MTA3: variants seen among roughly 807,000 people sequenced by gnomAD.
The protein encoded by MTA3 is metastasis associated 1 family member 3.
Under a neutral mutation model 83.5 loss-of-function variants are expected in MTA3, and 34 were observed. The ratio of observed to expected loss-of-function variants is 0.41; its 90% CI spans 0.31 to 0.54. MTA3 has a LOEUF of 0.54. Among genes scored for constraint, MTA3 ranks in the 20% least tolerant of loss-of-function variants. The probability of loss-of-function intolerance (pLI) is 0.33; values close to 1 mark genes in which losing one functional copy is unlikely to be tolerated. For synonymous variants in MTA3, 303 were observed against 252.7 expected (o/e 1.20, Z -1.89); for missense variants, 761 against 726.4 (o/e 1.05, Z -0.55).
intron 4 of MTA3, among the ~76,000 whole-genome samples, chr2:42,617,222 G>T (rs1685009701): frequency 6.6e-6 from 1 of 152,142 alleles, no homozygotes; most frequent in African/African-American, 2.4e-5. Context: ...CAGAGTATTA[G>T]TATAACCAGA....
intron 2 of MTA3, among the ~76,000 whole-genome samples, chr2:42,547,913 GTCTA>G (rs1415385586): frequency 6.7e-6 from 1 of 149,450 alleles, no homozygotes; most frequent in African/African-American, 2.5e-5. Flanking sequence ...TTTCAATCTT[GTCTA>G]TCTATTAAGC....
intron 2 of MTA3, among the ~76,000 whole-genome samples, chr2:42,509,841 G>A (rs527929508): frequency 6.6e-6 from 1 of 152,240 alleles, no homozygotes; most frequent in East Asian, 1.9e-4. Flanking sequence ...TTTAAATGCT[G>A]TTCTCTGAGT....
chr2:42,570,231 G>T (rs1206253339), intron 1 of MTA3, among the ~76,000 whole-genome samples: 2 of 152,108 alleles, frequency 1.3e-5, no homozygotes, highest in African/African-American at 4.8e-5. Context: ...AACATTAATT[G>T]AAATGAAAAT....
chr2:42,563,916 CA>C (rs1677787941), upstream of MTA3, among the ~76,000 whole-genome samples: 1 of 151,926 alleles, frequency 6.6e-6, no homozygotes, highest in African/African-American at 2.4e-5. Flanking sequence ...CTCCGCCTCC[CA>C]GGTTTAAGCC....
intron 3 of MTA3, among the ~76,000 whole-genome samples, chr2:42,593,152 C>CAA (rs879664699): frequency 7.8e-6 from 1 of 129,008 alleles, no homozygotes; most frequent in African/African-American, 3.0e-5. Context: ...GGCTCTGTCT[C>CAA]AAAAAAAAAA....
intron 2 of MTA3, among the ~76,000 whole-genome samples, chr2:42,555,956 C>T (rs1476442651): frequency 2.0e-5 from 3 of 151,806 alleles, no homozygotes; most frequent in Non-Finnish European, 4.4e-5. Flanking sequence ...CCTGTAATCC[C>T]AGCTACTCAG....
intron 2 of MTA3, among the ~76,000 whole-genome samples, chr2:42,561,617 C>T (rs1246439194): frequency 1.3e-5 from 2 of 152,172 alleles, no homozygotes; most frequent in South Asian, 4.2e-4. Context: ...GCCACCGAGC[C>T]CGGCCCCAGG....
intron 4 of MTA3, among the ~76,000 whole-genome samples, chr2:42,616,184 C>T (rs1296117579): frequency 2.0e-5 from 3 of 152,136 alleles, no homozygotes; most frequent in South Asian, 2.1e-4. Flanking sequence ...CTCAGCCTCC[C>T]GAATAGCTGG....
At chr2:42,693,953 T>C (rs997867943) in intron 9 of MTA3, among the ~76,000 whole-genome samples, 2 of 152,192 alleles carry the variant, frequency 1.3e-5, no homozygotes, top group Non-Finnish European at 2.9e-5. Context: ...TCGGGGCCCA[T>C]GGGCTCTTTA....
rs1404315247 is a variant in MTA3, at chr2:42,684,668, G to A, written c.891+2079G>A. The stretch of plus-strand genomic sequence containing the variant: ...TGAGGCTCAATGAAAATTCAAAAAA[G>A]ATAAATAAAACCTGCAGATCTGATA... On this transcript the variant is annotated intron_variant, in intron 9 of 16. Coordinates refer to ENST00000405094, the MANE Select transcript of MTA3 (RefSeq NM_001330442.2). 2.0e-5 allele frequency among the ~76,000 whole-genome samples: 3 copies of A among 152,084 alleles called. No homozygotes were observed. In the East Asian group the frequency reaches 5.8e-4, roughly 29 times the overall value.
At chr2:42,566,951 T>C (rs2103812560), upstream of MTA3, among the ~76,000 whole-genome samples, 1 of 152,358 alleles carries the variant, frequency 6.6e-6, no homozygotes, top group African/African-American at 2.4e-5. Flanking sequence ...TATTTATGTG[T>C]CAGCTCAGAA....
chr2:42,737,123 A>G (rs540810498), intron 16 of MTA3, among the ~76,000 whole-genome samples: 4 of 152,014 alleles, frequency 2.6e-5, no homozygotes, highest in Non-Finnish European at 5.9e-5. Context: ...TTCCCTTAGC[A>G]GCCCTGGCTG....
chr2:42,623,291 A>G (rs1050482713), intron 4 of MTA3, among the ~76,000 whole-genome samples: 2 of 152,202 alleles, frequency 1.3e-5, no homozygotes, highest in African/African-American at 4.8e-5. Context: ...CATTGTTTTC[A>G]GCTAGGTGGA....
At chr2:42,638,125 A>G (rs1227138437) in intron 4 of MTA3, among the ~76,000 whole-genome samples, 1 of 152,210 alleles carries the variant, frequency 6.6e-6, no homozygotes, top group Non-Finnish European at 1.5e-5. Context: ...ACTTTAGAGA[A>G]CTTATTTTTT....
intron 2 of MTA3, among the ~76,000 whole-genome samples, chr2:42,539,161 T>A (rs946137300): frequency 1.3e-5 from 2 of 152,180 alleles, no homozygotes; most frequent in Non-Finnish European, 2.9e-5. Context: ...TTCCTTAGTT[T>A]GTCAGGAGTA....
chr2:42,708,011 C>G lies in MTA3; in HGVS notation c.1259C>G (p.Thr420Ser). ...WKKYGGLKMP[T>S]QSEEEKLSPS... ...AAATATGGAGGCTTGAAAATGCCCACCCAGTCAGAAGAAGAGAAGTTATCT... is the reference window on the plus strand; with the variant it reads ...AAATATGGAGGCTTGAAAATGCCCAGCCAGTCAGAAGAAGAGAAGTTATCT... Residue 420 changes from threonine (T) to serine (S), a missense_variant, in exon 13 of 17, where the codon ACC (threonine) becomes AGC (serine). Thr to Ser is a moderately conservative substitution (Grantham distance 58, BLOSUM62 1). Coordinates refer to ENST00000405094, the MANE Select transcript of MTA3 (RefSeq NM_001330442.2). The G allele has an allele frequency of 6.2e-7, 1 of 1,613,466 alleles. No individual in the cohort carries two copies. Among genetic ancestry groups the G allele is most frequent in the Non-Finnish European group, 8.5e-7 (1 of 1,179,772 alleles).
At chr2:42,514,306 C>G (rs1675035490) in intron 2 of MTA3, among the ~76,000 whole-genome samples, 1 of 152,152 alleles carries the variant, frequency 6.6e-6, no homozygotes, top group Non-Finnish European at 1.5e-5. Context: ...GCTTTGTTAG[C>G]TCACTATTTA....
intron 4 of MTA3, among the ~76,000 whole-genome samples, chr2:42,626,867 A>G (rs1172288072): frequency 6.6e-6 from 1 of 151,478 alleles, no homozygotes; most frequent in African/African-American, 2.4e-5. Flanking sequence ...CAGCCTCCCA[A>G]GTAGTTGGGA....
intron 2 of MTA3, among the ~76,000 whole-genome samples, chr2:42,506,667 A>T (rs1166791157): frequency 6.6e-6 from 1 of 151,510 alleles, no homozygotes; most frequent in Non-Finnish European, 1.5e-5. Flanking sequence ...TTTGATATGG[A>T]GTCTCTGTCT....
Sources: gnomAD v4.1 joint callset for allele counts (sites outside exome capture counted in the v4.1 genomes callset) on GRCh38, gnomAD v4.1.1 for gene constraint, MANE v1.5 for transcripts, NCBI Gene and HGNC (gene_info 2026-07-23, HGNC 2026-07-21) for gene names.